SERAC1: variants seen among roughly 807,000 people sequenced by gnomAD.
The protein encoded by SERAC1 is protein SERAC1.
A neutral mutation model predicts 85.7 loss-of-function variants in SERAC1; 36 were observed. That is an observed-to-expected ratio of 0.42 (90% CI 0.32 to 0.55). The LOEUF (loss-of-function observed/expected upper bound fraction) is 0.55, where lower values mean the gene tolerates loss of function less well. Among genes scored for constraint, SERAC1 ranks in the 20% least tolerant of loss-of-function variants. The pLI, the probability that SERAC1 is intolerant of heterozygous loss-of-function variation, is 0.11. For missense variants in SERAC1, 629 were observed against 796.2 expected, an observed-to-expected ratio of 0.79 and a Z score of 2.53; for synonymous variants, 242 against 265.3, an observed-to-expected ratio of 0.91 and a Z score of 0.85.
At position 158,109,945 on chromosome 6, in the gene SERAC1, T is replaced by A. The variant is rs759260241; in HGVS notation, c.*1421A>T. On this transcript the variant is annotated 3_prime_UTR_variant, in exon 17 of 17. Transcript: ENST00000647468. ...CATTTACATAAAATTCCCAAATCCATAGAGACAGAAAACAGATTAGTGTTT... is the reference window on the plus strand; with the variant it reads ...CATTTACATAAAATTCCCAAATCCAAAGAGACAGAAAACAGATTAGTGTTT... 1 of 152,146 alleles carries A rather than the reference T, an allele frequency of 6.6e-6. No individual in the cohort carries two copies. The highest frequency in any genetic ancestry group is 1.5e-5 in the Non-Finnish European group (1 of 68,026). 9.4% of individuals were successfully genotyped at this position (152,146 alleles called of 1,614,324 possible).
chr6:158,144,254 A>G (rs777591817), intron 7 of SERAC1, 45 bp downstream of exon 7: 1 of 1,487,452 alleles, frequency 6.7e-7, no homozygotes, highest in Non-Finnish European at 9.2e-7. Context: ...AATATATTAA[A>G]CCATTTTTCA....
At chr6:158,136,532 T>G (rs1193581209) in intron 8 of SERAC1, among the ~76,000 whole-genome samples, 1 of 152,190 alleles carries the variant, frequency 6.6e-6, no homozygotes, top group Non-Finnish European at 1.5e-5. Context: ...TTGCCCAGGT[T>G]GGAGTGCAGT....
In SERAC1 at chr6:158,113,633, C is replaced by T. The variant is rs142450274; in HGVS notation, c.1685-41G>A. On this transcript the variant is annotated intron_variant, in intron 15 of 16. Coordinates refer to ENST00000647468, the MANE Select transcript of SERAC1 (RefSeq NM_032861.4). ...GAACAAGACTGTGACAAGTTGTTTACCCAATTCATAATAAAATGCATTAAT... is the reference window on the plus strand; with the variant it reads ...GAACAAGACTGTGACAAGTTGTTTATCCAATTCATAATAAAATGCATTAAT... The T allele has an allele frequency of 2.3e-4, 354 of 1,525,780 alleles. 1 individual carries two copies. In the African/African-American group the frequency reaches 4.1e-3, roughly 17 times the overall value. 94.5% of individuals were successfully genotyped at this position (1,525,780 alleles called of 1,614,324 possible).
Position 158,130,379 on chromosome 6 carries a change from A to G in SERAC1, c.846T>C (p.His282=). 6.6e-7 allele frequency: 1 copy of G among 1,515,268 alleles called. No homozygotes were observed. The highest frequency in any genetic ancestry group is 8.9e-7 in the Non-Finnish European group (1 of 1,124,912). The allele number at this position is 1,515,268 out of a possible 1,614,324, so 93.9% of individuals were successfully genotyped here. A position where few individuals can be genotyped will look rare whatever the true frequency, so the allele number is the denominator to read the frequency against. Residue 282 remains histidine (H), a synonymous_variant, in exon 9 of 17, where the codon CAT becomes CAC. Coordinates refer to ENST00000647468, the MANE Select transcript of SERAC1 (RefSeq NM_032861.4). ...EMFCLEAIVK[H]SEISTHCDKI... ...TTTTGAAAATGTAAATTACCTCAGA[A>G]TGTTTTACTATAGCTTCTAAACAGA...
chr6:158,119,253 T>A lies in SERAC1; in HGVS notation c.1167-83A>T, dbSNP rs1401042537. On this transcript the variant is annotated intron_variant, in intron 11 of 16. Transcript: ENST00000647468. This position sits in a 1 kb window ranked among gnomAD's most constrained non-coding sequence, Gnocchi z 4.5. ...GAATCTACACAGCATTCTCTGTGGA[T>A]GGTGCTTTAGCAGGCTTATGTGACA... 6.8e-7 allele frequency: 1 copy of A among 1,469,478 alleles called. No homozygotes were observed. Among genetic ancestry groups the A allele is most frequent in the East Asian group, 2.5e-5 (1 of 39,954 alleles). 91.0% of individuals were successfully genotyped at this position (1,469,478 alleles called of 1,614,324 possible).
intron 1 of SERAC1, among the ~76,000 whole-genome samples, chr6:158,159,661 G>A (rs1027489690): frequency 2.8e-5 from 4 of 141,732 alleles, no homozygotes; most frequent in African/African-American, 1.1e-4. Context: ...GTATGGCTCT[G>A]TCACCCAGGC....
intron 14 of SERAC1, 133 bp from the exon 15 acceptor site, chr6:158,115,104 T>G: frequency 1.1e-6 from 1 of 915,378 alleles, no homozygotes; most frequent in East Asian, 2.5e-5. Flanking sequence ...GTTTAAACAA[T>G]TCTCTGTACA....
intron 10 of SERAC1, among the ~76,000 whole-genome samples, chr6:158,121,406 G>A (rs1219204644): frequency 6.6e-6 from 1 of 152,006 alleles, no homozygotes; most frequent in Non-Finnish European, 1.5e-5. Context: ...AGTTAGACTT[G>A]GGCTCACATT....
At chr6:158,149,887 G>A (rs1785163048) in intron 4 of SERAC1, among the ~76,000 whole-genome samples, 1 of 152,138 alleles carries the variant, frequency 6.6e-6, no homozygotes, top group African/African-American at 2.4e-5. Context: ...TCCATATGTT[G>A]AGGAAAATAT....
intron 6 of SERAC1, chr6:158,146,174 C>CA (rs1583594067): frequency 6.6e-6 from 1 of 152,116 alleles, no homozygotes; most frequent in African/African-American, 2.4e-5. Flanking sequence ...GAGTTGCTCT[C>CA]AAAGAAGTAT....
At chr6:158,146,184 T>C (rs1226517236) in intron 6 of SERAC1, 4 of 152,202 alleles carry the variant, frequency 2.6e-5, no homozygotes, top group African/African-American at 9.7e-5. Context: ...CAAAGAAGTA[T>C]GTAACCAAAT....
chr6:158,162,509 T>C (rs922479809), intron 1 of SERAC1, among the ~76,000 whole-genome samples: 1 of 152,224 alleles, frequency 6.6e-6, no homozygotes, highest in African/African-American at 2.4e-5. Context: ...AACTCACATT[T>C]TTCTTCAATT....
intron 10 of SERAC1, among the ~76,000 whole-genome samples, chr6:158,126,435 TA>T (rs1458928866): frequency 6.6e-6 from 1 of 151,958 alleles, no homozygotes; most frequent in African/African-American, 2.4e-5. Context: ...CAATAAATTA[TA>T]AACTTTTAAA....
chr6:158,120,482 G>T lies in SERAC1; in HGVS notation c.1109C>A (p.Thr370Asn). The T allele has an allele frequency of 6.2e-7, 1 of 1,614,072 alleles. No homozygotes were observed. Among genetic ancestry groups the T allele is most frequent in the Middle Eastern group, 1.6e-4 (1 of 6,062 alleles). ...GCCATCCTGATATTTTTCTTGCACA[G>T]TTTCTCGGTCTAGATTTGCCAGGAT... The part of the protein sequence containing the change: ...ARILANLDRE[T>N]VQEKYQDGVY... The change falls in exon 11 of 17, where the codon ACT becomes AAT. Residue 370 changes from threonine (T) to asparagine (N), a missense_variant. Physicochemically the swap from Thr to Asn is moderately conservative, Grantham distance 65 (BLOSUM62 0). Coordinates refer to ENST00000647468, the MANE Select transcript of SERAC1 (RefSeq NM_032861.4). This position sits in a 1 kb window ranked among gnomAD's most constrained non-coding sequence, Gnocchi z 4.4.
chr6:158,119,303 A>G lies in SERAC1; in HGVS notation c.1167-133T>C, dbSNP rs904637790. 1.8e-6 allele frequency: 2 copies of G among 1,081,982 alleles called. No homozygotes were observed. The highest frequency in any genetic ancestry group is 3.2e-5 in the African/African-American group (2 of 62,446). The allele number at this position is 1,081,982 out of a possible 1,614,324, so 67.0% of individuals were successfully genotyped here. Reference sequence around the variant, plus strand: ...ATAAAACTGAATTAAAGCAAGCTCTATAAGCACAGGTTTGCTGGGAAAACC... The same window carrying G: ...ATAAAACTGAATTAAAGCAAGCTCTGTAAGCACAGGTTTGCTGGGAAAACC... On this transcript the variant is annotated intron_variant, in intron 11 of 16. Transcript: ENST00000647468. This position sits in a 1 kb window ranked among gnomAD's most constrained non-coding sequence, Gnocchi z 4.5.
chr6:158,155,445 T>C (rs942442891), intron 2 of SERAC1, 94 bp from the exon 3 acceptor site: 1 of 693,320 alleles, frequency 1.4e-6, no homozygotes, highest in Non-Finnish European at 2.5e-6. Flanking sequence ...TATCATATAT[T>C]ATCAGATAAG....
intron 2 of SERAC1, among the ~76,000 whole-genome samples, chr6:158,156,847 TTATATATAATAAATATTAATATA>T (rs1785351754): frequency 7.3e-6 from 1 of 136,658 alleles, no homozygotes; most frequent in African/African-American, 2.8e-5. Context: ...TAAATATATT[TTATATATAATAAATATTAATATA>T]TTTATATAGA....
rs570275213 is a variant in SERAC1 at position 158,151,288 on chromosome 6, G to A, written c.129-699C>T. 2.5e-4 allele frequency among the ~76,000 whole-genome samples: 38 copies of A among 152,274 alleles called. No individual in the cohort carries two copies. In the South Asian group the frequency reaches 7.0e-3, roughly 28 times the overall value. Reference sequence around the variant, plus strand: ...TTTTGCTGGCACAGTAGCAAGGCACGTAGTCTCAGCTATTCGGGAGGCTAA... The same window carrying A: ...TTTTGCTGGCACAGTAGCAAGGCACATAGTCTCAGCTATTCGGGAGGCTAA... On this transcript the variant is annotated intron_variant, in intron 3 of 16. Transcript: ENST00000647468.
chr6:158,129,404 CA>C (rs1784617671), intron 9 of SERAC1, among the ~76,000 whole-genome samples: 1 of 152,192 alleles, frequency 6.6e-6, no homozygotes, highest in Admixed American at 6.5e-5. Flanking sequence ...TGGGACAGAT[CA>C]CCTGCATTCA....
Sources: gnomAD v4.1 joint callset for allele counts (sites outside exome capture counted in the v4.1 genomes callset) on GRCh38, gnomAD v4.1.1 for gene constraint, Gnocchi (gnomAD v3.1) non-coding constraint, MANE v1.5 for transcripts, NCBI Gene and HGNC (gene_info 2026-07-23, HGNC 2026-07-21) for gene names.